Variants in MST1R observed in about 807,000 individuals in gnomAD.
The protein encoded by MST1R is macrophage stimulating 1 receptor.
In MST1R, 99 loss-of-function variants were observed where a neutral mutation model predicts 117.8. The observed-to-expected ratio is 0.84, with a 90% confidence interval of 0.71 to 0.99. MST1R has a LOEUF of 0.99. Ranked by LOEUF, MST1R falls within the 50% of genes least tolerant of loss-of-function variation. The probability of loss-of-function intolerance (pLI) is 0.00; values close to 1 mark genes in which losing one functional copy is unlikely to be tolerated. For synonymous variants in MST1R, 734 were observed against 765.3 expected (o/e 0.96, Z 0.68); for missense variants, 1,683 against 1,840.2 (o/e 0.91, Z 1.56).
chr3:49,895,952 G>A lies in MST1R; in HGVS notation c.2796+9C>T, dbSNP rs2082454871. On this transcript the variant is annotated intron_variant, in intron 11 of 19. Transcript: ENST00000296474. ...GTGTTTCCCAGGGAGGTCCAGCTGG[G>A]CTGCCTACCTGCAATGGGGCACCAT... 7 of 1,566,580 alleles carry A rather than the reference G, an allele frequency of 4.5e-6. No homozygotes were observed. The highest frequency in any genetic ancestry group is 6.1e-6 in the Non-Finnish European group (7 of 1,155,230).
intron 18 of MST1R, 39 bp downstream of exon 18, chr3:49,890,446 G>C: frequency 6.3e-7 from 1 of 1,583,296 alleles, no homozygotes; most frequent in South Asian, 1.1e-5. Context: ...GTTCTTGGGT[G>C]CCAAAGCCAT....
At chr3:49,897,130 G>T in intron 7 of MST1R, 150 bp downstream of exon 7, 2 of 1,263,146 alleles carry the variant, frequency 1.6e-6, no homozygotes, top group African/African-American at 1.5e-5. Context: ...TTGCCTCTGG[G>T]CTGAAGAGGG....
rs767819782 is a variant in MST1R at position 49,903,383 on chromosome 3, T to C, written c.227A>G (p.Asn76Ser). ...GTCAGGCCCAAGCACATGCAGGCGA[T>C]TGCGTATGGCTACAAACACAGCACT... Reference protein sequence around the residue: ...NESAVFVAIRNRLHVLGPDLK... With the variant: ...NESAVFVAIRSRLHVLGPDLK... Residue 76 changes from asparagine to serine, a missense_variant, in exon 1 of 20, where the codon AAT becomes AGT. Coordinates refer to ENST00000296474, the MANE Select transcript of MST1R (RefSeq NM_002447.4). The C allele has an allele frequency of 1.9e-6, 3 of 1,613,922 alleles. No homozygotes were observed. Among genetic ancestry groups the C allele is most frequent in the South Asian group, 1.1e-5 (1 of 91,096 alleles).
intron 14 of MST1R, 140 bp downstream of exon 14, chr3:49,895,027 G>A (rs1051953154): frequency 2.9e-5 from 23 of 798,200 alleles, no homozygotes; most frequent in African/African-American, 1.9e-4. Context: ...TAGCCAGGAC[G>A]GTCTCGATCT....
In MST1R at chr3:49,887,235, TG is replaced by T. The variant is rs2082189042; in HGVS notation, c.*71del. 6.3e-7 allele frequency: 1 copy of T among 1,580,564 alleles called. No homozygotes were observed. Among genetic ancestry groups the T allele is most frequent in the African/African-American group, 1.3e-5 (1 of 74,330 alleles). ...AACAAGGTGGAGGGCCACTGCCCTCTGGCCTGGCATGGCCCAGAGGCAGCTT... is the reference window on the plus strand; with the variant it reads ...AACAAGGTGGAGGGCCACTGCCCTCTGCCTGGCATGGCCCAGAGGCAGCTT... On this transcript the variant is annotated 3_prime_UTR_variant, in exon 20 of 20. Coordinates refer to ENST00000296474, the MANE Select transcript of MST1R (RefSeq NM_002447.4).
rs1055067268 is a variant in MST1R, at chr3:49,896,283, A to T, written c.2561T>A (p.Leu854Gln). The T allele has an allele frequency of 6.2e-7, 1 of 1,614,146 alleles. No individual in the cohort carries two copies. The stretch of plus-strand genomic sequence containing the variant: ...TGGGGGTAGGAAGCGAAAGCCAGGC[A>T]GTGTAAAGCCAGCAGCTCCATCCCC... ...ARGDGAAGFT[L>Q]PGFRFLPPPH... The change falls in exon 10 of 20, where the codon CTG becomes CAG. Residue 854 changes from leucine to glutamine, a missense_variant. Physicochemically the swap from Leu to Gln is moderately radical, Grantham distance 113. Coordinates refer to ENST00000296474, the MANE Select transcript of MST1R (RefSeq NM_002447.4).
Position 49,897,418 on chromosome 3 carries a change from TAA to T in MST1R, c.2047-4_2047-3del. On this transcript the variant is annotated splice_polypyrimidine_tract_variant and splice_region_variant and intron_variant, in intron 6 of 19. Coordinates refer to ENST00000296474, the MANE Select transcript of MST1R (RefSeq NM_002447.4). ...TTGCACTGCTATCAGCACTGGCTCC[TAA>T]GAGGACATAGAGGTGGCTTAGGCAG... 5 of 1,613,034 alleles carry T rather than the reference TAA, an allele frequency of 3.1e-6. No individual in the cohort carries two copies. Among genetic ancestry groups the T allele is most frequent in the Non-Finnish European group, 4.2e-6 (5 of 1,179,506 alleles).
At chr3:49,888,491 A>G (rs1366214322) in intron 19 of MST1R, among the ~76,000 whole-genome samples, 1 of 150,724 alleles carries the variant, frequency 6.6e-6, no homozygotes, top group Non-Finnish European at 1.5e-5. Context: ...AGTCCCAGTT[A>G]CTCAGGAGGC....
In MST1R at chr3:49,903,816, A is replaced by G; in HGVS notation, c.-207T>C. On this transcript the variant is annotated 5_prime_UTR_variant, in exon 1 of 20. Transcript: ENST00000296474. ...GGGTCTGAGCACCTGACGCCTGCGG[A>G]CGCACGACAGCAACGCCCCAGCCGC... 1.6e-6 allele frequency: 1 copy of G among 629,580 alleles called. No individual in the cohort carries two copies. 39.0% of individuals were successfully genotyped at this position (629,580 alleles called of 1,614,324 possible).
At chr3:49,899,477 T>A (rs11130224) in intron 1 of MST1R, 245,968 of 527,918 alleles carry the variant, frequency 0.47, 57,221 homozygotes, top group Non-Finnish European at 0.53. Flanking sequence ...GAAGGTCCAC[T>A]CCTCATTCTC....
rs1306906618 is a variant in MST1R at position 49,890,584 on chromosome 3, C to T, written c.3711G>A (p.Glu1237=). The T allele has an allele frequency of 6.2e-7, 1 of 1,614,132 alleles. No individual in the cohort carries two copies. The highest frequency in any genetic ancestry group is 8.5e-7 in the Non-Finnish European group (1 of 1,179,996). Residue 1237 remains glutamate, a synonymous_variant, in exon 18 of 20, where the codon GAG becomes GAA. Coordinates refer to ENST00000296474, the MANE Select transcript of MST1R (RefSeq NM_002447.4). Reference sequence around the variant, plus strand: ...GGCGATGCTGTTGAACACTATAGTACTCCCTGTCCAGGATGTCGCGGGCCA... The same window carrying T: ...GGCGATGCTGTTGAACACTATAGTATTCCCTGTCCAGGATGTCGCGGGCCA... The part of the protein sequence containing the change: ...FGLARDILDR[E]YYSVQQHRHA...
Position 49,902,994 on chromosome 3 carries a change from C to G in MST1R, c.616G>C (p.Ala206Pro), listed in dbSNP as rs1415023482. 6.2e-7 allele frequency: 1 copy of G among 1,613,124 alleles called. No individual in the cohort carries two copies. ...YFYVASSLDA[A>P]VAASFSPRSV... ...CGTGGGCTGAAGCTGGCAGCCACGGCTGCGTCCAGTGAGGATGCCACGTAG... is the reference window on the plus strand; with the variant it reads ...CGTGGGCTGAAGCTGGCAGCCACGGGTGCGTCCAGTGAGGATGCCACGTAG... The change falls in exon 1 of 20, where the codon GCC becomes CCC. Residue 206 changes from alanine to proline, a missense_variant. Physicochemically the swap from Ala to Pro is conservative, Grantham distance 27. Coordinates refer to ENST00000296474, the MANE Select transcript of MST1R (RefSeq NM_002447.4).
chr3:49,902,769 C>A lies in MST1R; in HGVS notation c.841G>T (p.Ala281Ser). ...TCTGGCTCAGTGGCGCTAAGCCGTGCCAGGCGTGTGTGCAGGGCACTAGGA... is the reference window on the plus strand; with the variant it reads ...TCTGGCTCAGTGGCGCTAAGCCGTGACAGGCGTGTGTGCAGGGCACTAGGA... ...DDPSALHTRL[A>S]RLSATEPELG... is the part of the protein sequence containing the mutation. The change falls in exon 1 of 20, where the codon GCA (alanine) becomes TCA (serine). Residue 281 changes from alanine to serine, a missense_variant. Coordinates refer to ENST00000296474, the MANE Select transcript of MST1R (RefSeq NM_002447.4). 1 of 1,613,930 alleles carries A rather than the reference C, an allele frequency of 6.2e-7. No homozygotes were observed. The highest frequency in any genetic ancestry group is 8.5e-7 in the Non-Finnish European group (1 of 1,180,042).
At position 49,887,280 on chromosome 3, in the gene MST1R, C is replaced by T. The variant is rs972398899; in HGVS notation, c.*27G>A. 2 of 1,611,384 alleles carry T rather than the reference C, an allele frequency of 1.2e-6. No individual in the cohort carries two copies. The highest frequency in any genetic ancestry group is 1.7e-6 in the Non-Finnish European group (2 of 1,178,760). ...GCAGCTTGGGGTTAGCTCAAGGCAG[C>T]TAAGCAGGTCCAGCCCAAGAACTAA... On this transcript the variant is annotated 3_prime_UTR_variant, in exon 20 of 20. Transcript: ENST00000296474.
intron 1 of MST1R, among the ~76,000 whole-genome samples, chr3:49,902,102 G>T (rs1403825024): frequency 6.6e-6 from 1 of 152,078 alleles, no homozygotes; most frequent in African/African-American, 2.4e-5. Flanking sequence ...CATAGCCAGG[G>T]AAACTACCTA....
intron 9 of MST1R, 45 bp downstream of exon 9, chr3:49,896,495 G>A (rs2082476381): frequency 1.2e-6 from 2 of 1,611,472 alleles, no homozygotes; most frequent in Non-Finnish European, 1.7e-6. Flanking sequence ...CTGCAGCTCA[G>A]GGAACTCATC....
chr3:49,898,415 G>A, intron 4 of MST1R, 103 bp downstream of exon 4: 1 of 1,463,798 alleles, frequency 6.8e-7, no homozygotes, highest in Admixed American at 2.0e-5. Flanking sequence ...AGATATGAAG[G>A]ACACCCCCCA....
intron 1 of MST1R, among the ~76,000 whole-genome samples, chr3:49,900,011 C>G (rs2082620524): frequency 6.6e-6 from 1 of 152,196 alleles, no homozygotes; most frequent in African/African-American, 2.4e-5. Context: ...GCTGGCTCTT[C>G]TCTGACTCTC....
chr3:49,903,325 AG>A lies in MST1R; in HGVS notation c.284del (p.Pro95LeufsTer54), dbSNP rs2082756476. On this transcript the variant is annotated frameshift_variant, in exon 1 of 20. Transcript: ENST00000296474. LOFTEE classifies it high-confidence loss of function. ...LKSVQSLATG[P>X]AGDPGCQTCA... ...ACGTCTGGCAGCCAGGGTCTCCAGC[AG>A]GGCCCGTGGCCAGGCTCTGGACAGA... 3.1e-6 allele frequency: 5 copies of A among 1,613,264 alleles called. No individual in the cohort carries two copies. Among genetic ancestry groups the A allele is most frequent in the Non-Finnish European group, 4.2e-6 (5 of 1,179,980 alleles).
Sources: gnomAD v4.1 joint callset for allele counts (sites outside exome capture counted in the v4.1 genomes callset) on GRCh38, gnomAD v4.1.1 for gene constraint, MANE v1.5 for transcripts, NCBI Gene and HGNC (gene_info 2026-07-23, HGNC 2026-07-21) for gene names.